The following G3BP1 variants were observed in gnomAD, a reference collection of about 807,000 sequenced individuals.
The protein encoded by G3BP1 is G3BP stress granule assembly factor 1.
In G3BP1, 35 loss-of-function variants were observed where a neutral mutation model predicts 58.6. The observed-to-expected ratio is 0.60, with a 90% CI of 0.46 to 0.79. The LOEUF is 0.79. G3BP1 is among the 30% of genes least tolerant of loss of function. G3BP1 has a pLI of 0.00. For missense variants in G3BP1, 523 were observed against 580.8 expected (o/e 0.90, Z 1.02); for synonymous variants, 191 against 195.4 (o/e 0.98, Z 0.19).
At chr5:151,790,701 T>A (rs1762636180) in intron 3 of G3BP1, among the ~76,000 whole-genome samples, 188 bp from the exon 4 acceptor site, 1 of 152,200 alleles carries the variant, frequency 6.6e-6, no homozygotes, top group Non-Finnish European at 1.5e-5. Context: ...GGACAGTTAT[T>A]TAAAAAACTC....
chr5:151,797,489 GTTC>G (rs1762775351), intron 7 of G3BP1, 61 bp downstream of exon 7: 1 of 1,516,464 alleles, frequency 6.6e-7, no homozygotes, highest in Non-Finnish European at 8.9e-7. Context: ...AAAAGTTTCT[GTTC>G]TTTTGTATTG....
At position 151,797,221 on chromosome 5, in the gene G3BP1, T is replaced by C; in HGVS notation, c.540-6T>C. 1.9e-6 allele frequency: 3 copies of C among 1,612,738 alleles called. No homozygotes were observed. The highest frequency in any genetic ancestry group is 2.5e-6 in the Non-Finnish European group (3 of 1,179,330). ...GAATGATATTTCTCAAATTTTCCTGTCAAAGTAATGACATGGAAGAACATT... is the reference window on the plus strand; with the variant it reads ...GAATGATATTTCTCAAATTTTCCTGCCAAAGTAATGACATGGAAGAACATT... On this transcript the variant is annotated splice_polypyrimidine_tract_variant and splice_region_variant and intron_variant, in intron 6 of 11. Transcript: ENST00000356245.
rs1443448828 is a variant in G3BP1 at position 151,809,248 on chromosome 5, G to A, written c.*5157G>A. On this transcript the variant is annotated 3_prime_UTR_variant, in exon 12 of 12. Transcript: ENST00000356245. Reference sequence around the variant, plus strand: ...CTGTCCTCATGCTTTGATGTCAGTTGTTCTCCTAAATTTTAAAATTTTGTT... The same window carrying A: ...CTGTCCTCATGCTTTGATGTCAGTTATTCTCCTAAATTTTAAAATTTTGTT... The A allele has an allele frequency of 6.6e-6, 1 of 152,146 alleles. No homozygotes were observed. Among genetic ancestry groups the A allele is most frequent in the Admixed American group, 6.5e-5 (1 of 15,274 alleles). 9.4% of individuals were successfully genotyped at this position (152,146 alleles called of 1,614,324 possible).
At chr5:151,788,570 ATATGTGTGTGTGTGTGTGTGTGTG>A (rs1762592579) in intron 2 of G3BP1, among the ~76,000 whole-genome samples, 1 of 93,126 alleles carries the variant, frequency 1.1e-5, no homozygotes, top group Non-Finnish European at 2.3e-5. Context: ...AGCTAAGTTT[ATATGTGTGTGTGTGTGTGTGTGTG>A]TGTGTGTGTG....
chr5:151,800,984 T>G (rs559832326), intron 11 of G3BP1, 115 bp downstream of exon 11: 1 of 585,482 alleles, frequency 1.7e-6, no homozygotes, highest in African/African-American at 1.9e-5. Context: ...TCCAACATGT[T>G]CAGGTAATTT....
intron 1 of G3BP1, among the ~76,000 whole-genome samples, chr5:151,777,781 A>G (rs1338499425): frequency 6.6e-6 from 1 of 151,986 alleles, no homozygotes; most frequent in Admixed American, 6.6e-5. Context: ...GAACCTATCC[A>G]TTACCCCCAA....
rs760251804 is a variant in G3BP1, at chr5:151,804,009, G to C, written c.1319G>C (p.Gly440Ala). The change falls in exon 12 of 12, where the codon GGT becomes GCT. Residue 440 changes from glycine (G) to alanine (A), a missense_variant. Physicochemically the swap from Gly to Ala is moderately conservative, Grantham distance 60. Around this residue, in one of 2 missense-constraint regions of G3BP1, gnomAD observed 125 missense variants for 181.7 expected, o/e 0.69. Transcript: ENST00000356245. ...GGAGGCCCTCGAGGTGGGCTGGGTG[G>C]TGGAATGAGAGGCCCTCCCCGTGGA... ...GPGGPRGGLG[G>A]GMRGPPRGGM... 2 of 1,613,632 alleles carry C rather than the reference G, an allele frequency of 1.2e-6. No individual in the cohort carries two copies. Among genetic ancestry groups the C allele is most frequent in the South Asian group, 2.2e-5 (2 of 90,942 alleles).
intron 4 of G3BP1, chr5:151,791,294 T>A: frequency 2.6e-6 from 1 of 382,484 alleles, no homozygotes; most frequent in Non-Finnish European, 4.8e-6. Flanking sequence ...ATAATTCTCT[T>A]CCATTCTGTA....
At chr5:151,797,467 ATTTTTTTT>A in intron 7 of G3BP1, 39 bp downstream of exon 7, 2 of 1,552,248 alleles carry the variant, frequency 1.3e-6, no homozygotes, top group Admixed American at 2.0e-5. Context: ...ATTCCTAGTT[ATTTTTTTT>A]AAAAAAAGTT....
intron 2 of G3BP1, among the ~76,000 whole-genome samples, chr5:151,788,568 T>TTGTG (rs1484426603): frequency 7.4e-5 from 5 of 67,442 alleles, no homozygotes; most frequent in Admixed American, 1.8e-4. Context: ...CCAGCTAAGT[T>TTGTG]TATATGTGTG....
intron 1 of G3BP1, among the ~76,000 whole-genome samples, chr5:151,776,949 C>T (rs1762382434): frequency 7.5e-6 from 1 of 133,018 alleles, no homozygotes; most frequent in African/African-American, 2.8e-5. Flanking sequence ...CCTATCTTAT[C>T]TGTTTTTTAA....
At chr5:151,788,049 T>C (rs886230621) in intron 2 of G3BP1, among the ~76,000 whole-genome samples, 2 of 151,906 alleles carry the variant, frequency 1.3e-5, no homozygotes, top group African/African-American at 4.8e-5. Flanking sequence ...CTCAGCCTCC[T>C]GAGTAGCTGG....
intron 1 of G3BP1, among the ~76,000 whole-genome samples, chr5:151,779,854 G>A (rs1762436739): frequency 6.6e-6 from 1 of 152,156 alleles, no homozygotes; most frequent in South Asian, 2.1e-4. Flanking sequence ...CTTATTTGAT[G>A]GACATGTAGA....
Position 151,800,825 on chromosome 5 carries a change from G to C in G3BP1, c.1150G>C (p.Val384Leu). 1 of 1,611,708 alleles carries C rather than the reference G, an allele frequency of 6.2e-7. No homozygotes were observed. Among genetic ancestry groups the C allele is most frequent in the Non-Finnish European group, 8.5e-7 (1 of 1,178,266 alleles). ...GGKLPNFGFV[V>L]FDDSEPVQKV... Reference sequence around the variant, plus strand: ...GAAATTACCCAATTTTGGTTTTGTTGTGTTTGATGATTCTGAGCCTGTTCA... The same window carrying C: ...GAAATTACCCAATTTTGGTTTTGTTCTGTTTGATGATTCTGAGCCTGTTCA... Residue 384 changes from valine (V) to leucine (L), a missense_variant, in exon 11 of 12, where the codon GTG becomes CTG. Val to Leu is a conservative substitution (Grantham distance 32). Transcript: ENST00000356245.
chr5:151,795,073 C>T (rs372315646), intron 5 of G3BP1, among the ~76,000 whole-genome samples: 29 of 152,262 alleles, frequency 1.9e-4, no homozygotes, highest in African/African-American at 6.0e-4. Flanking sequence ...GTCAGGAGAT[C>T]GAGGCCATCC....
intron 6 of G3BP1, among the ~76,000 whole-genome samples, chr5:151,796,035 C>T (rs1762743514): frequency 1.3e-5 from 2 of 152,012 alleles, no homozygotes; most frequent in African/African-American, 4.8e-5. Context: ...GGGTTTTTTC[C>T]CCCTTGTGAT....
chr5:151,775,011 G>C (rs1273387821), intron 1 of G3BP1, among the ~76,000 whole-genome samples: 2 of 152,214 alleles, frequency 1.3e-5, no homozygotes, highest in Non-Finnish European at 2.9e-5. Flanking sequence ...ATAGGGTTAA[G>C]AGTAGGAATA....
chr5:151,805,790 T>TA lies in G3BP1; in HGVS notation c.*1700dup, dbSNP rs1218865240. On this transcript the variant is annotated 3_prime_UTR_variant, in exon 12 of 12. Coordinates refer to ENST00000356245, the MANE Select transcript of G3BP1 (RefSeq NM_005754.3). ...ACTGATAATAGGAAGAAATACAACTTATACTTTTGTAGCTTATATTAAGCA... is the reference window on the plus strand; with the variant it reads ...ACTGATAATAGGAAGAAATACAACTTAATACTTTTGTAGCTTATATTAAGCA... 2 of 152,192 alleles carry TA rather than the reference T, an allele frequency of 1.3e-5. No homozygotes were observed. Among genetic ancestry groups the TA allele is most frequent in the Non-Finnish European group, 2.9e-5 (2 of 68,032 alleles). 9.4% of individuals were successfully genotyped at this position (152,192 alleles called of 1,614,324 possible).
In G3BP1 at chr5:151,774,689, AAT is replaced by A. The variant is rs1012768669; in HGVS notation, c.-50+2654_-50+2655del. Among the ~76,000 whole-genome samples, 98 of 151,428 alleles carry A rather than the reference AAT, an allele frequency of 6.5e-4. 1 individual carries two copies. Among genetic ancestry groups the A allele is most frequent in the African/African-American group, 1.9e-3 (78 of 41,380 alleles). ...AACTATTACTGACTTTACAAAGAAG[AAT>A]GGATAATTGTGGAAGTAGGTAGGTC... On this transcript the variant is annotated intron_variant, in intron 1 of 11. Coordinates refer to ENST00000356245, the MANE Select transcript of G3BP1 (RefSeq NM_005754.3).
Sources: allele counts gnomAD v4.1 joint callset (sites outside exome capture counted in the v4.1 genomes callset), GRCh38; gene constraint gnomAD v4.1.1; regional missense constraint gnomAD v4.1.1; transcripts MANE v1.5; gene names NCBI Gene and HGNC (gene_info 2026-07-23, HGNC 2026-07-21).